The following KCNAB1 variants were observed in gnomAD, a reference collection of about 807,000 sequenced individuals.
KCNAB1 encodes the protein voltage-gated potassium channel subunit beta-1.
In KCNAB1, 35 loss-of-function variants were observed where a neutral mutation model predicts 64.6. That is an observed-to-expected ratio of 0.54 (90% CI 0.41 to 0.72). KCNAB1 has a LOEUF of 0.72. Ranked by LOEUF, KCNAB1 falls within the 30% of genes least tolerant of loss-of-function variation. The pLI is 0.00. For missense variants in KCNAB1, 401 were observed against 512.9 expected, an observed-to-expected ratio of 0.78 and a Z score of 2.11; for synonymous variants, 177 against 183.8, an observed-to-expected ratio of 0.96 and a Z score of 0.30.
chr3:156,291,153 C>CCATCG, intron 1 of KCNAB1: 1 of 985,520 alleles, frequency 1.0e-6, no homozygotes, highest in South Asian at 4.7e-5. Context: ...CTTTGCCTTC[C>CCATCG]CATCGCACAC....
intron 8 of KCNAB1, among the ~76,000 whole-genome samples, chr3:156,505,163 A>G (rs1716751312): frequency 6.6e-6 from 1 of 152,156 alleles, no homozygotes; most frequent in Non-Finnish European, 1.5e-5. Flanking sequence ...TATTGAAGAG[A>G]ATTCCCTTTC....
At chr3:156,355,694 G>A (rs1379661659) in intron 1 of KCNAB1, among the ~76,000 whole-genome samples, 1 of 152,038 alleles carries the variant, frequency 6.6e-6, no homozygotes, top group East Asian at 1.9e-4. Flanking sequence ...TCATGTACAG[G>A]TTTCTAATAC....
chr3:156,158,694 G>T (rs1326171350), intron 1 of KCNAB1, among the ~76,000 whole-genome samples: 1 of 152,162 alleles, frequency 6.6e-6, no homozygotes, highest in Non-Finnish European at 1.5e-5. Flanking sequence ...GCATCTGTGG[G>T]CTTTCTTTCT....
chr3:156,240,408 A>C (rs1717092650), intron 1 of KCNAB1, among the ~76,000 whole-genome samples: 2 of 152,174 alleles, frequency 1.3e-5, no homozygotes, highest in African/African-American at 4.8e-5. Context: ...AATACTATTA[A>C]AATGACGTAA....
At chr3:156,490,513 A>G (rs1190538032) in intron 8 of KCNAB1, among the ~76,000 whole-genome samples, 1 of 152,146 alleles carries the variant, frequency 6.6e-6, no homozygotes, top group African/African-American at 2.4e-5. Flanking sequence ...GTACTACATC[A>G]ATAGAACAGA....
At chr3:156,395,585 A>AAAAAAAAAAAAT (rs1713399557) in intron 1 of KCNAB1, among the ~76,000 whole-genome samples, 1 of 135,470 alleles carries the variant, frequency 7.4e-6, no homozygotes, top group Non-Finnish European at 1.6e-5. Context: ...AAAAAAAAAA[A>AAAAAAAAAAAAT]TCAGACATTG....
At chr3:156,525,154 A>G (rs1054012714) in intron 12 of KCNAB1, among the ~76,000 whole-genome samples, 3 of 150,954 alleles carry the variant, frequency 2.0e-5, no homozygotes, top group Non-Finnish European at 4.4e-5. Flanking sequence ...CTTACTAGGA[A>G]AAAAAAAAAG....
At chr3:156,427,071 A>C (rs1715870151) in intron 2 of KCNAB1, among the ~76,000 whole-genome samples, 1 of 152,152 alleles carries the variant, frequency 6.6e-6, no homozygotes, top group African/African-American at 2.4e-5. Context: ...TAGGAGAAAG[A>C]ATGAGTAGGG....
At chr3:156,201,259 C>T (rs189092585) in intron 1 of KCNAB1, among the ~76,000 whole-genome samples, 257 of 152,302 alleles carry the variant, frequency 1.7e-3, no homozygotes, top group Non-Finnish European at 3.0e-3. Flanking sequence ...TGTTCCTATT[C>T]GGCCATCTTG....
intron 1 of KCNAB1, among the ~76,000 whole-genome samples, chr3:156,314,771 G>A (rs544980227): frequency 2.1e-4 from 32 of 152,310 alleles, no homozygotes; most frequent in African/African-American, 6.5e-4. Flanking sequence ...CCAGCACTTT[G>A]GGAGGCCAAG....
At chr3:156,144,804 G>A (rs4359774) in intron 1 of KCNAB1, among the ~76,000 whole-genome samples, 76,527 of 152,048 alleles carry the variant, frequency 0.5, 21,210 homozygotes, top group Admixed American at 0.7. Flanking sequence ...ACCATGAATT[G>A]TTACATAAAC....
chr3:156,474,217 C>A (rs1404680171), intron 7 of KCNAB1, among the ~76,000 whole-genome samples: 1 of 152,106 alleles, frequency 6.6e-6, no homozygotes, highest in Non-Finnish European at 1.5e-5. Context: ...CATTTGCTAA[C>A]CCCTTTATAT....
At chr3:156,211,381 T>G (rs1909376) in intron 1 of KCNAB1, among the ~76,000 whole-genome samples, 1 of 152,080 alleles carries the variant, frequency 6.6e-6, no homozygotes, top group African/African-American at 2.4e-5. Flanking sequence ...TATGCAAACA[T>G]GCATTAGTTT....
intron 2 of KCNAB1, among the ~76,000 whole-genome samples, chr3:156,431,758 A>T (rs1716226580): frequency 6.6e-6 from 1 of 152,216 alleles, no homozygotes; most frequent in South Asian, 2.1e-4. Flanking sequence ...CACATGAAAG[A>T]ATTTCTAGGC....
At chr3:156,447,887 A>C (rs115700976) in intron 2 of KCNAB1, among the ~76,000 whole-genome samples, 1,778 of 152,326 alleles carry the variant, frequency 0.012, 16 homozygotes, top group South Asian at 0.03. Context: ...ATCTCATCTA[A>C]ATGTCTAAAT....
chr3:156,154,446 G>A (rs543003714), intron 1 of KCNAB1, among the ~76,000 whole-genome samples: 4 of 152,154 alleles, frequency 2.6e-5, no homozygotes, highest in South Asian at 2.1e-4. Flanking sequence ...GTCATCCTCC[G>A]AACTATGGGG....
At chr3:156,435,668 G>C (rs1716537236) in intron 2 of KCNAB1, among the ~76,000 whole-genome samples, 1 of 152,156 alleles carries the variant, frequency 6.6e-6, no homozygotes, top group African/African-American at 2.4e-5. Context: ...AGAAGAGAAG[G>C]GAAAGAGTTT....
intron 1 of KCNAB1, among the ~76,000 whole-genome samples, chr3:156,366,467 G>T (rs1725953943): frequency 6.6e-6 from 1 of 152,154 alleles, no homozygotes; most frequent in Non-Finnish European, 1.5e-5. Context: ...ATTTGTTAAG[G>T]AATGAGAAAA....
At chr3:156,125,917 A>G (rs995014595) in intron 1 of KCNAB1, among the ~76,000 whole-genome samples, 21 of 152,206 alleles carry the variant, frequency 1.4e-4, no homozygotes, top group Admixed American at 4.6e-4. Flanking sequence ...GTTAAGAATC[A>G]AGCTGGAGGT....
Sources: gnomAD v4.1 joint callset for allele counts (sites outside exome capture counted in the v4.1 genomes callset) on GRCh38, gnomAD v4.1.1 for gene constraint, MANE v1.5 for transcripts, NCBI Gene and HGNC (gene_info 2026-07-23, HGNC 2026-07-21) for gene names.